HELZ2: variants seen among roughly 807,000 people sequenced by gnomAD.
HELZ2 encodes helicase with zinc finger 2.
In HELZ2, 143 loss-of-function variants were observed where a neutral mutation model predicts 208.8. That is an observed-to-expected ratio of 0.68 (90% CI 0.60 to 0.79). The LOEUF (loss-of-function observed/expected upper bound fraction) is 0.79. Ranked by LOEUF, HELZ2 falls within the 30% of genes least tolerant of loss-of-function variation. The pLI is 0.00. For synonymous variants in HELZ2, 1,705 were observed against 1,693.7 expected (o/e 1.01, Z -0.16); for missense variants, 3,690 against 3,794.5 (o/e 0.97, Z 0.72).
rs6011898 is a variant in HELZ2, at chr20:63,560,292, G to C, written c.7536C>G (p.Thr2512=). ...GGACGGCGATGTCCTGGGGCTCTAC[G>C]GTCCTCCCCAGGGTCAGCTGCTTGG... Residue 2512 remains threonine, a synonymous_variant, in exon 17 of 19, where the codon ACC becomes ACG. Transcript: ENST00000467148. 1.0e-5 allele frequency: 16 copies of C among 1,560,302 alleles called. No individual in the cohort carries two copies. In the African/African-American group the frequency reaches 2.0e-4, roughly 20 times the overall value.
exon 2 of HELZ2, chr20:63,570,742 C>G: frequency 2.0e-6 from 3 of 1,468,816 alleles, no homozygotes; most frequent in Non-Finnish European, 2.7e-6. Context: ...CCTGGTAGGG[C>G]ACCAGCCCGT....
intron 8 of HELZ2, 63 bp from the exon 10 acceptor site, chr20:63,562,445 C>T (rs1180513749): frequency 5.3e-5 from 81 of 1,524,244 alleles, no homozygotes; most frequent in Non-Finnish European, 6.7e-5. Context: ...TGCTGCCCCA[C>T]GAGCTCCCCC....
intron 5 of HELZ2, 46 bp from the exon 7 acceptor site, chr20:63,567,673 G>C (rs1162930319): frequency 1.3e-6 from 2 of 1,560,284 alleles, no homozygotes; most frequent in Non-Finnish European, 1.7e-6. Context: ...GGGGGCCTCA[G>C]TGCTGTCCGC....
At chr20:63,558,163 T>C (rs953996366), downstream of HELZ2, 5 of 152,514 alleles carry the variant, frequency 3.3e-5, no homozygotes, top group African/African-American at 4.8e-5. Context: ...AATTGGAATG[T>C]AGAAGGTGGG....
upstream of HELZ2, chr20:63,572,489 C>T (rs1055346419): frequency 2.6e-5 from 32 of 1,248,760 alleles, no homozygotes; most frequent in South Asian, 6.3e-5. Context: ...GGCCCGGGGC[C>T]GCGGCCTCAC....
In HELZ2 at chr20:63,559,809, T is replaced by C. The variant is rs2082864587; in HGVS notation, c.7825+119A>G. ...CAGAGTCAGGTGGGAGGAGTCAGGGTCAGGTGGGAGGAGTCAGGGTCAGGT... is the reference window on the plus strand; with the variant it reads ...CAGAGTCAGGTGGGAGGAGTCAGGGCCAGGTGGGAGGAGTCAGGGTCAGGT... On this transcript the variant is annotated intron_variant, in intron 18 of 18. Coordinates refer to ENST00000467148, the Ensembl canonical transcript of HELZ2. 4 of 863,500 alleles carry C rather than the reference T, an allele frequency of 4.6e-6. No homozygotes were observed. In the South Asian group the frequency reaches 6.2e-5, roughly 13 times the overall value. 53.5% of individuals were successfully genotyped at this position (863,500 alleles called of 1,614,324 possible). A position where few individuals can be genotyped will look rare whatever the true frequency, so the allele number is the denominator to read the frequency against.
At position 63,561,756 on chromosome 20, in the gene HELZ2, T is replaced by C; in HGVS notation, c.6692-11A>G. The C allele has an allele frequency of 2.5e-6, 4 of 1,583,204 alleles. No homozygotes were observed. Among genetic ancestry groups the C allele is most frequent in the Non-Finnish European group, 2.6e-6 (3 of 1,162,352 alleles). On this transcript the variant is annotated splice_polypyrimidine_tract_variant and intron_variant, in intron 11 of 18. Transcript: ENST00000467148. Reference sequence around the variant, plus strand: ...TTCTCAGGAGCAGTCCTGAGGGTAGTTGGGGGACGTGAGTCCTGCCCCGCG... The same window carrying C: ...TTCTCAGGAGCAGTCCTGAGGGTAGCTGGGGGACGTGAGTCCTGCCCCGCG...
chr20:63,570,185 C>T (rs1383924403), intron 3 of HELZ2: 4 of 508,344 alleles, frequency 7.9e-6, no homozygotes, highest in Admixed American at 4.6e-5. Context: ...ATCTCGAACT[C>T]CCGACCTCAG....
exon 8 of HELZ2, chr20:63,564,469 C>A (rs1452358033): frequency 6.3e-7 from 1 of 1,580,086 alleles, no homozygotes; most frequent in South Asian, 1.1e-5. Context: ...GGCGGTCAGA[C>A]TGGACCACGG....
chr20:63,567,773 C>G (rs3810491), intron 5 of HELZ2, 146 bp from the exon 7 acceptor site: 452,278 of 1,453,120 alleles, frequency 0.31, 76,050 homozygotes, highest in East Asian at 0.62. Context: ...TGGTGTCCCT[C>G]CTGTCAGGAG....
At chr20:63,566,146 G>A (rs2146017339) in exon 8 of HELZ2, 9 of 1,563,274 alleles carry the variant, frequency 5.8e-6, no homozygotes, top group Non-Finnish European at 7.8e-6. Context: ...GGGCGTCGGT[G>A]AAGAACTCAG....
In HELZ2 at chr20:63,566,097, G is replaced by T. The variant is rs775299682; in HGVS notation, c.2725C>A (p.Leu909Met). ...GCCACGGCGTCCCCCACTACCACCA[G>T]CTGGGACTGGGCGCGGGTCAGGACG... is the stretch of plus-strand genomic sequence containing the variant. Residue 909 changes from leucine (L) to methionine (M), a missense_variant, in exon 8 of 19, where the codon CTG becomes ATG. Around this residue, in one of 3 missense-constraint regions of HELZ2, gnomAD observed 2,564 missense variants for 2,580.5 expected, o/e 0.99. Transcript: ENST00000467148. 6.3e-6 allele frequency: 10 copies of T among 1,585,024 alleles called. No homozygotes were observed. In the Admixed American group the frequency reaches 1.7e-4, roughly 27 times the overall value.
chr20:63,559,317 A>G (rs1021312529), exon 19 of HELZ2: 3 of 1,602,674 alleles, frequency 1.9e-6, no homozygotes, highest in Non-Finnish European at 2.6e-6. Flanking sequence ...TGAGCCTCGC[A>G]GAAGTCCAGG....
In HELZ2 at chr20:63,570,880, G is replaced by A. The variant is rs758842423; in HGVS notation, c.279-12C>T. ...CACAGAGGTCAGGCCTGGGGGACAG[G>A]GAGGTCAGCAGGGCTACACAGAGGC... is the stretch of plus-strand genomic sequence containing the variant. On this transcript the variant is annotated splice_polypyrimidine_tract_variant and intron_variant, in intron 1 of 18. Coordinates refer to ENST00000467148, the Ensembl canonical transcript of HELZ2. The A allele has an allele frequency of 6.4e-7, 1 of 1,574,026 alleles. No homozygotes were observed. The highest frequency in any genetic ancestry group is 8.7e-7 in the Non-Finnish European group (1 of 1,156,006).
chr20:63,567,637 G>C lies in HELZ2; in HGVS notation c.1731-10C>G, dbSNP rs997251193. On this transcript the variant is annotated splice_polypyrimidine_tract_variant and intron_variant, in intron 5 of 18. Transcript: ENST00000467148. ...GTAGATGTCGGCGGCACTGCGGGAG[G>C]GGGAGGAGCTCATGGGCTTCTTGCT... 2.5e-6 allele frequency: 4 copies of C among 1,596,522 alleles called. No homozygotes were observed. In the African/African-American group the frequency reaches 4.0e-5, roughly 16 times the overall value.
chr20:63,562,770 G>A (rs200668006), exon 8 of HELZ2: 12 of 1,605,836 alleles, frequency 7.5e-6, no homozygotes, highest in Non-Finnish European at 1.0e-5. Context: ...CTGGCCGTGG[G>A]AGCCGGCAGC....
chr20:63,570,549 C>T (rs1331514540), exon 3 of HELZ2: 3 of 1,613,522 alleles, frequency 1.9e-6, no homozygotes, highest in Non-Finnish European at 2.5e-6. Flanking sequence ...TCTTCCTCTC[C>T]TGGGCCTGGT....
exon 8 of HELZ2, chr20:63,563,555 A>G: frequency 6.6e-7 from 1 of 1,517,958 alleles, no homozygotes; most frequent in Non-Finnish European, 8.8e-7. Flanking sequence ...GGGGAAGAGC[A>G]GCCGGAAGCA....
chr20:63,570,066 A>G, intron 3 of HELZ2: 1 of 409,704 alleles, frequency 2.4e-6, no homozygotes, highest in Non-Finnish European at 4.6e-6. Flanking sequence ...TTCCTGCCTC[A>G]GCCTCCCGAG....
Sources: gnomAD v4.1 joint callset for allele counts on GRCh38, gnomAD v4.1.1 for gene constraint, gnomAD v4.1.1 regional missense constraint, MANE v1.5 for transcripts, NCBI Gene and HGNC (gene_info 2026-07-23, HGNC 2026-07-21) for gene names.